GPC6: variants seen among roughly 807,000 people sequenced by gnomAD.
GPC6 encodes the protein glypican 6.
Under a neutral mutation model 55.2 loss-of-function variants are expected in GPC6, and 14 were observed. That is an observed-to-expected ratio of 0.25 (90% CI 0.17 to 0.40). The LOEUF (loss-of-function observed/expected upper bound fraction) is 0.40. GPC6 is among the 10% of genes least tolerant of loss of function. The pLI is 1.00. For missense variants in GPC6, 641 were observed against 708.5 expected (o/e 0.90, Z 1.08); for synonymous variants, 278 against 259.6 (o/e 1.07, Z -0.68).
At chr13:93,422,914 G>A (rs1876977553) in intron 1 of GPC6, among the ~76,000 whole-genome samples, 1 of 152,128 alleles carries the variant, frequency 6.6e-6, no homozygotes, top group African/African-American at 2.4e-5. Flanking sequence ...AAAAAGCACA[G>A]AGTAGAGATT....
chr13:93,911,658 C>A (rs541484797), intron 3 of GPC6, among the ~76,000 whole-genome samples: 1 of 152,098 alleles, frequency 6.6e-6, no homozygotes, highest in East Asian at 1.9e-4. Context: ...GTTCTAGATT[C>A]GGATCAAGAT....
intron 2 of GPC6, among the ~76,000 whole-genome samples, chr13:93,784,448 G>A (rs1037075157): frequency 2.0e-5 from 3 of 152,148 alleles, no homozygotes; most frequent in African/African-American, 7.2e-5. Flanking sequence ...TACTCCAGCT[G>A]AGTAGGTATT....
At chr13:94,197,439 G>A (rs908320548) in intron 4 of GPC6, among the ~76,000 whole-genome samples, 2 of 152,178 alleles carry the variant, frequency 1.3e-5, no homozygotes, top group African/African-American at 4.8e-5. Flanking sequence ...GAGACCAGAA[G>A]TCCAAGATCA....
chr13:93,925,266 A>G (rs1877795093), intron 3 of GPC6, among the ~76,000 whole-genome samples: 2 of 152,156 alleles, frequency 1.3e-5, no homozygotes. Context: ...CCTTAACTCC[A>G]AAGTCTTTTC....
At chr13:93,999,523 C>T (rs1312615846) in intron 3 of GPC6, among the ~76,000 whole-genome samples, 1 of 152,222 alleles carries the variant, frequency 6.6e-6, no homozygotes, top group Admixed American at 6.5e-5. Flanking sequence ...AGAATGATTT[C>T]ATACATAAGT....
chr13:94,152,479 G>T (rs973035678), intron 4 of GPC6, among the ~76,000 whole-genome samples: 4 of 152,024 alleles, frequency 2.6e-5, no homozygotes, highest in African/African-American at 9.7e-5. Flanking sequence ...TCAGGTATTA[G>T]AACTGTATTT....
At chr13:94,343,349 C>G (rs970087094) in intron 6 of GPC6, among the ~76,000 whole-genome samples, 2 of 152,206 alleles carry the variant, frequency 1.3e-5, no homozygotes, top group African/African-American at 4.8e-5. Flanking sequence ...ATGAAGCCCG[C>G]AGCCTTTGCC....
At chr13:94,002,214 A>G (rs578038214) in intron 3 of GPC6, among the ~76,000 whole-genome samples, 7 of 152,230 alleles carry the variant, frequency 4.6e-5, no homozygotes, top group African/African-American at 1.4e-4. Context: ...AAGAGAAGTC[A>G]GAGCCTATAG....
chr13:94,289,473 T>G (rs1200777251), intron 5 of GPC6, among the ~76,000 whole-genome samples: 3 of 152,174 alleles, frequency 2.0e-5, no homozygotes, highest in East Asian at 3.9e-4. Flanking sequence ...AAATGTTATT[T>G]CTGAGAGCAT....
chr13:94,216,652 C>T (rs566695513), intron 4 of GPC6, among the ~76,000 whole-genome samples: 1 of 152,266 alleles, frequency 6.6e-6, no homozygotes, highest in Non-Finnish European at 1.5e-5. Context: ...TCCACGTCTT[C>T]TGTTCTGCCA....
chr13:93,284,664 A>G (rs950418130), intron 1 of GPC6, among the ~76,000 whole-genome samples: 13 of 152,178 alleles, frequency 8.5e-5, no homozygotes, highest in African/African-American at 3.1e-4. Flanking sequence ...GTACATCTCA[A>G]AACTGATTTA....
intron 3 of GPC6, among the ~76,000 whole-genome samples, chr13:93,876,196 TG>T (rs1889289379): frequency 9.9e-6 from 1 of 101,348 alleles, no homozygotes; most frequent in Non-Finnish European, 2.6e-5. Context: ...ATATAATAAA[TG>T]CTTCATATAA....
intron 3 of GPC6, among the ~76,000 whole-genome samples, chr13:93,837,057 T>C (rs970364792): frequency 6.6e-6 from 1 of 152,218 alleles, no homozygotes; most frequent in Non-Finnish European, 1.5e-5. Context: ...GCAAAATGTA[T>C]AGCCTAGGTA....
In GPC6 at chr13:93,848,555, A is replaced by T. The variant is rs555154008; in HGVS notation, c.711+18010A>T. Among the ~76,000 whole-genome samples the T allele has an allele frequency of 4.3e-4, 65 of 152,214 alleles. 1 individual carries two copies. The highest frequency in any genetic ancestry group is 1.5e-3 in the African/African-American group (64 of 41,536). On this transcript the variant is annotated intron_variant, in intron 3 of 8. Coordinates refer to ENST00000377047, the MANE Select transcript of GPC6 (RefSeq NM_005708.5). Reference sequence around the variant, plus strand: ...CTTTGATGAGGTTACTGTCCTGTTTACAAGTCCTGGCAGTATATTACTTAT... The same window carrying T: ...CTTTGATGAGGTTACTGTCCTGTTTTCAAGTCCTGGCAGTATATTACTTAT...
chr13:93,808,412 T>TTAGC (rs1886600186), intron 2 of GPC6, among the ~76,000 whole-genome samples: 2 of 152,266 alleles, frequency 1.3e-5, no homozygotes, highest in South Asian at 4.1e-4. Context: ...ATTGTAAGAA[T>TTAGC]TAGCCTGATC....
chr13:94,245,394 T>A (rs1235557256), intron 4 of GPC6, among the ~76,000 whole-genome samples: 1 of 151,094 alleles, frequency 6.6e-6, no homozygotes, highest in Non-Finnish European at 1.5e-5. Flanking sequence ...CTCCACTCTA[T>A]ATAAAATAAA....
intron 4 of GPC6, among the ~76,000 whole-genome samples, chr13:94,125,277 A>T (rs1386801336): frequency 6.6e-6 from 1 of 152,134 alleles, no homozygotes; most frequent in African/African-American, 2.4e-5. Context: ...CTTGTATGAA[A>T]CATATCATTT....
intron 5 of GPC6, among the ~76,000 whole-genome samples, chr13:94,305,705 G>A (rs112925039): frequency 2.0e-5 from 3 of 152,264 alleles, no homozygotes; most frequent in African/African-American, 7.2e-5. Flanking sequence ...ATTTTAATGA[G>A]TAAGCAAATT....
intron 1 of GPC6, among the ~76,000 whole-genome samples, chr13:93,425,879 C>G (rs1243545768): frequency 6.6e-6 from 1 of 152,138 alleles, no homozygotes; most frequent in Non-Finnish European, 1.5e-5. Context: ...AATACCCTCC[C>G]TACCCACTCC....
Sources: allele counts gnomAD v4.1 joint callset (sites outside exome capture counted in the v4.1 genomes callset), GRCh38; gene constraint gnomAD v4.1.1; transcripts MANE v1.5; gene names NCBI Gene and HGNC (gene_info 2026-07-23, HGNC 2026-07-21).